SNTG2: variants seen among roughly 807,000 people sequenced by gnomAD.
SNTG2 encodes the protein syntrophin gamma 2.
In SNTG2, 74 loss-of-function variants were observed where a neutral mutation model predicts 70.9. That is an observed-to-expected ratio of 1.04 (90% CI 0.86 to 1.27). The LOEUF is 1.27. Among genes scored for constraint, SNTG2 ranks in the 50% most tolerant of loss-of-function variants. The probability of loss-of-function intolerance (pLI) is 0.00; values close to 1 mark genes in which losing one functional copy is unlikely to be tolerated. For missense variants in SNTG2, 717 were observed against 690.7 expected (o/e 1.04, Z -0.43); for synonymous variants, 278 against 273.8 (o/e 1.02, Z -0.15).
chr2:1,257,851 A>G (rs999038617), intron 12 of SNTG2, among the ~76,000 whole-genome samples: 9 of 152,218 alleles, frequency 5.9e-5, no homozygotes, highest in Admixed American at 3.9e-4. Context: ...TGCTGATATT[A>G]CTAACTATAT....
intron 4 of SNTG2, among the ~76,000 whole-genome samples, chr2:1,115,333 GATC>G (rs1356560039): frequency 2.0e-5 from 3 of 151,980 alleles, no homozygotes; most frequent in African/African-American, 7.2e-5. Context: ...CTTGGAGGAG[GATC>G]ATGTGTAGTA....
At chr2:1,088,547 A>G (rs1250102554) in intron 2 of SNTG2, among the ~76,000 whole-genome samples, 2 of 152,254 alleles carry the variant, frequency 1.3e-5, no homozygotes, top group South Asian at 2.1e-4. Context: ...CAAATGGAAT[A>G]CTGCATAAGA....
chr2:1,341,619 C>G (rs1353447712), intron 16 of SNTG2: 1 of 152,156 alleles, frequency 6.6e-6, no homozygotes, highest in Admixed American at 6.5e-5. Context: ...TAATGAGATC[C>G]CTGGGGAGGC....
chr2:1,285,748 G>A (rs1480280670), intron 14 of SNTG2, among the ~76,000 whole-genome samples: 1 of 152,026 alleles, frequency 6.6e-6, no homozygotes, highest in Non-Finnish European at 1.5e-5. Flanking sequence ...TACCCATTCT[G>A]TACTCCTTTT....
intron 16 of SNTG2, among the ~76,000 whole-genome samples, chr2:1,347,090 GA>G (rs35083762): frequency 0.75 from 113,541 of 151,662 alleles, 42,906 homozygotes; most frequent in East Asian, 0.94. Flanking sequence ...TGGGAAAGAG[GA>G]AAAAAAAAGG....
intron 1 of SNTG2, among the ~76,000 whole-genome samples, chr2:975,227 C>T (rs1373232649): frequency 1.3e-5 from 2 of 152,182 alleles, no homozygotes; most frequent in Non-Finnish European, 2.9e-5. Flanking sequence ...CTTGGACTCA[C>T]ACCTGTGAGC....
intron 16 of SNTG2, among the ~76,000 whole-genome samples, chr2:1,349,651 T>C (rs1414161011): frequency 1.3e-5 from 2 of 152,250 alleles, no homozygotes; most frequent in East Asian, 3.8e-4. Context: ...GGGTCACTTA[T>C]GCTACTTTTC....
At chr2:1,016,130 G>A (rs950590618) in intron 1 of SNTG2, among the ~76,000 whole-genome samples, 3 of 151,990 alleles carry the variant, frequency 2.0e-5, no homozygotes, top group Non-Finnish European at 2.9e-5. Context: ...GAGAAAGGCA[G>A]TTATAGAGCA....
At chr2:1,219,157 A>T (rs1416807536) in intron 9 of SNTG2, among the ~76,000 whole-genome samples, 1 of 152,086 alleles carries the variant, frequency 6.6e-6, no homozygotes, top group Non-Finnish European at 1.5e-5. Flanking sequence ...TTAAAAGTGT[A>T]TGGCACCTGC....
intron 1 of SNTG2, among the ~76,000 whole-genome samples, chr2:1,014,710 G>A (rs1436041905): frequency 6.9e-6 from 1 of 145,942 alleles, no homozygotes; most frequent in South Asian, 2.3e-4. Flanking sequence ...GCAGAGAGAA[G>A]GGTGGTCTGT....
rs561824608 is a variant in SNTG2 at position 960,339 on chromosome 2, G to A, written c.72+9271G>A. Among the ~76,000 whole-genome samples the A allele has an allele frequency of 3.9e-5, 6 of 152,330 alleles. No individual in the cohort carries two copies. In the East Asian group the frequency reaches 9.7e-4, roughly 25 times the overall value. On this transcript the variant is annotated intron_variant, in intron 1 of 16. Coordinates refer to ENST00000308624, the MANE Select transcript of SNTG2 (RefSeq NM_018968.4). Reference sequence around the variant, plus strand: ...GGCCCCACAGTTCTCCCGAGAGCTCGGGCTGCCTGTTCTCCTTTGTTCTCT... The same window carrying A: ...GGCCCCACAGTTCTCCCGAGAGCTCAGGCTGCCTGTTCTCCTTTGTTCTCT...
Position 1,209,119 on chromosome 2 carries a change from C to T in SNTG2, c.608C>T (p.Ser203Phe). The change falls in exon 9 of 17, where the codon TCC becomes TTC. Residue 203 changes from serine (S) to phenylalanine (F), a missense_variant. Physicochemically the swap from Ser to Phe is radical, Grantham distance 155. Coordinates refer to ENST00000308624, the MANE Select transcript of SNTG2 (RefSeq NM_018968.4). ...NSSTTAPSSP[S>F]SPIAKDPRYE... is the part of the protein sequence containing the mutation. ...TCTGTACAGGCCCCATCGTCACCTT[C>T]CTCGCCCATAGCTAAGGACCCGAGG... is the stretch of plus-strand genomic sequence containing the variant. The T allele has an allele frequency of 6.2e-7, 1 of 1,613,978 alleles. No homozygotes were observed. Among genetic ancestry groups the T allele is most frequent in the Non-Finnish European group, 8.5e-7 (1 of 1,179,898 alleles).
In SNTG2 at chr2:1,090,838, C is replaced by T. The variant is rs573675359; in HGVS notation, c.210+7183C>T. On this transcript the variant is annotated intron_variant, in intron 2 of 16. Transcript: ENST00000308624. ...AGGAAAGTCATAGACCAGTTAAATA[C>T]CACCCTTTTGTCTTGAAGTGTGCAT... 3.2e-4 allele frequency among the ~76,000 whole-genome samples: 48 copies of T among 152,294 alleles called. 2 individuals carry two copies. The South Asian group carries it at 1.0e-2, about 32-fold the overall frequency.
intron 1 of SNTG2, among the ~76,000 whole-genome samples, chr2:1,031,528 A>ATTTTTTTTTTTTT (rs745388505): frequency 6.8e-5 from 4 of 59,122 alleles, no homozygotes; most frequent in Non-Finnish European, 1.3e-4. Flanking sequence ...ATATATATAT[A>ATTTTTTTTTTTTT]TTTTTTTTTT....
chr2:1,249,249 A>G (rs1444899344), intron 12 of SNTG2, among the ~76,000 whole-genome samples: 2 of 152,230 alleles, frequency 1.3e-5, no homozygotes, highest in East Asian at 3.9e-4. Flanking sequence ...ACCTATTGTA[A>G]TATAAATCGA....
At position 1,267,458 on chromosome 2, in the gene SNTG2, A is replaced by G. The variant is rs13023962; in HGVS notation, c.1171A>G (p.Ile391Val). Residue 391 changes from isoleucine (I) to valine (V), a missense_variant, in exon 14 of 17, where the codon ATC becomes GTC. Physicochemically the swap from Ile to Val is conservative, Grantham distance 29 (BLOSUM62 3). Transcript: ENST00000308624. The stretch of plus-strand genomic sequence containing the variant: ...GGACCAGAGGCCCTATTGCTTCAGC[A>G]TCGTGGCCGGCCATGGGAAGAGCCA... ...FEDQRPYCFS[I>V]VAGHGKSHVF... 0.25 allele frequency: 409,370 copies of G among 1,613,028 alleles called. 55,950 individuals are homozygous for G. The highest frequency in any genetic ancestry group is 0.47 in the African/African-American group (35,433 of 74,938).
intron 8 of SNTG2, among the ~76,000 whole-genome samples, chr2:1,177,804 G>C (rs140900544): frequency 6.6e-6 from 1 of 152,044 alleles, no homozygotes; most frequent in Non-Finnish European, 1.5e-5. Flanking sequence ...CACTTCTTGA[G>C]GTGATAAAAG....
chr2:953,535 A>C (rs1660047789), intron 1 of SNTG2, among the ~76,000 whole-genome samples: 1 of 152,210 alleles, frequency 6.6e-6, no homozygotes, highest in Non-Finnish European at 1.5e-5. Flanking sequence ...AGATGAATGA[A>C]GCATCTGAGC....
chr2:1,164,308 G>A (rs1670555020), intron 6 of SNTG2, among the ~76,000 whole-genome samples: 1 of 132,580 alleles, frequency 7.5e-6, no homozygotes, highest in Non-Finnish European at 1.6e-5. Context: ...AGAGGGCGGG[G>A]TGGGATATGC....
Sources: allele counts gnomAD v4.1 joint callset (sites outside exome capture counted in the v4.1 genomes callset), GRCh38; gene constraint gnomAD v4.1.1; transcripts MANE v1.5; gene names NCBI Gene and HGNC (gene_info 2026-07-23, HGNC 2026-07-21).